Variants in XKR9 observed in about 807,000 individuals in gnomAD.
The protein encoded by XKR9 is XK-related protein 9.
In XKR9, 32 loss-of-function variants were observed where a neutral mutation model predicts 32.0. The observed-to-expected ratio is 1.00, with a 90% CI of 0.76 to 1.34. XKR9 has a LOEUF of 1.34. Ranked by LOEUF, XKR9 falls within the 40% of genes most tolerant of loss-of-function variation. The probability of loss-of-function intolerance (pLI) is 0.00; values close to 1 mark genes in which losing one functional copy is unlikely to be tolerated. For synonymous variants in XKR9, 168 were observed against 143.4 expected (o/e 1.17, Z -1.22); for missense variants, 546 against 429.7 (o/e 1.27, Z -2.39).
chr8:70,879,462 A>G, the XKR9 span, among the ~76,000 whole-genome samples: 1 of 152,220 alleles, frequency 6.6e-6, no homozygotes, highest in East Asian at 1.9e-4. Flanking sequence ...AAAATAAAAA[A>G]TGATAAAAGG....
At chr8:71,027,242 T>G in the XKR9 span, among the ~76,000 whole-genome samples, 1 of 151,702 alleles carries the variant, frequency 6.6e-6, no homozygotes, top group South Asian at 2.1e-4. Context: ...AATTAGTCAT[T>G]ATCATTCTTT....
chr8:71,035,625 G>A, the XKR9 span, among the ~76,000 whole-genome samples: 1 of 152,186 alleles, frequency 6.6e-6, no homozygotes, highest in Admixed American at 6.5e-5. Context: ...ACATTTGACA[G>A]TGGGGTAGAC....
the XKR9 span, among the ~76,000 whole-genome samples, chr8:70,899,054 A>C: frequency 6.6e-6 from 1 of 152,122 alleles, no homozygotes; most frequent in Non-Finnish European, 1.5e-5. Context: ...GCTGGGACTA[A>C]AATTGTGCAC....
At chr8:70,865,977 A>G in the XKR9 span, among the ~76,000 whole-genome samples, 1 of 152,210 alleles carries the variant, frequency 6.6e-6, no homozygotes, top group Non-Finnish European at 1.5e-5. Context: ...CTCAAAATTT[A>G]AGATCCTGCT....
At chr8:70,984,112 G>A in the XKR9 span, among the ~76,000 whole-genome samples, 3 of 152,286 alleles carry the variant, frequency 2.0e-5, no homozygotes, top group East Asian at 5.8e-4. Context: ...CACTATGGGG[G>A]TGTCTTTCCT....
chr8:71,020,890 A>T, the XKR9 span, among the ~76,000 whole-genome samples: 1 of 152,116 alleles, frequency 6.6e-6, no homozygotes, highest in African/African-American at 2.4e-5. Flanking sequence ...TACCTGTCTT[A>T]GTCTGTTTAG....
chr8:70,791,516 A>G (rs1807763816), downstream of XKR9, among the ~76,000 whole-genome samples: 1 of 152,078 alleles, frequency 6.6e-6, no homozygotes, highest in Non-Finnish European at 1.5e-5. Flanking sequence ...TTATGAATGG[A>G]TTAATGTTAT....
the XKR9 span, among the ~76,000 whole-genome samples, chr8:71,052,951 G>A: frequency 6.6e-6 from 1 of 152,144 alleles, no homozygotes; most frequent in African/African-American, 2.4e-5. Flanking sequence ...CCTTGACTGT[G>A]CCTCAGTTTT....
At chr8:70,925,500 T>A in the XKR9 span, among the ~76,000 whole-genome samples, 1 of 152,240 alleles carries the variant, frequency 6.6e-6, no homozygotes, top group African/African-American at 2.4e-5. Flanking sequence ...CTTGGTTTTG[T>A]GACTATTAAT....
At chr8:71,022,045 T>C in the XKR9 span, among the ~76,000 whole-genome samples, 1 of 152,224 alleles carries the variant, frequency 6.6e-6, no homozygotes, top group African/African-American at 2.4e-5. Context: ...TCCATTCTTC[T>C]GCATATGGCT....
chr8:71,026,533 A>G, the XKR9 span, among the ~76,000 whole-genome samples: 1 of 152,214 alleles, frequency 6.6e-6, no homozygotes, highest in South Asian at 2.1e-4. Context: ...CTGGGAGTCC[A>G]GAGTGCAAAG....
At chr8:70,755,771 A>AG (rs1431302312) in intron 2 of XKR9, among the ~76,000 whole-genome samples, 2 of 22,080 alleles carry the variant, frequency 9.1e-5, no homozygotes, top group African/African-American at 3.7e-4. Flanking sequence ...GGGTGGGGGG[A>AG]GGGGGGGAGG....
At chr8:70,821,617 A>G in the XKR9 span, among the ~76,000 whole-genome samples, 1 of 152,218 alleles carries the variant, frequency 6.6e-6, no homozygotes, top group African/African-American at 2.4e-5. Flanking sequence ...ATCTAGGTGG[A>G]GGTTCCCAAA....
the XKR9 span, among the ~76,000 whole-genome samples, chr8:71,060,518 T>C: frequency 2.0e-5 from 3 of 152,204 alleles, no homozygotes; most frequent in Non-Finnish European, 4.4e-5. Context: ...GTACCCCTCC[T>C]TGTGGCTACC....
intron 1 of XKR9, among the ~76,000 whole-genome samples, chr8:70,674,210 C>T (rs547865240): frequency 6.6e-6 from 1 of 152,140 alleles, no homozygotes; most frequent in East Asian, 1.9e-4. Context: ...AAGAGAAGTA[C>T]AGCTGAAGTG....
chr8:70,712,593 C>G (rs268646), intron 4 of XKR9, among the ~76,000 whole-genome samples: 2 of 152,062 alleles, frequency 1.3e-5, no homozygotes, highest in Non-Finnish European at 2.9e-5. Context: ...CTCCTGACTT[C>G]AAAGAGTTTG....
the XKR9 span, among the ~76,000 whole-genome samples, chr8:70,973,782 T>C: frequency 6.6e-6 from 1 of 152,210 alleles, no homozygotes. Context: ...GAAGATTCCC[T>C]TTGGAGTTGA....
At chr8:70,817,645 C>G in the XKR9 span, among the ~76,000 whole-genome samples, 1 of 151,982 alleles carries the variant, frequency 6.6e-6, no homozygotes, top group Non-Finnish European at 1.5e-5. Flanking sequence ...CATATGGGCC[C>G]CCAAAAAGCC....
the XKR9 span, among the ~76,000 whole-genome samples, chr8:71,012,655 A>G: frequency 6.6e-6 from 1 of 152,128 alleles, no homozygotes; most frequent in Non-Finnish European, 1.5e-5. Context: ...GCATTGTACT[A>G]AGTACTTCAT....
Sources: allele counts gnomAD v4.1 joint callset (sites outside exome capture counted in the v4.1 genomes callset), GRCh38; gene constraint gnomAD v4.1.1; transcripts MANE v1.5; gene names NCBI Gene and HGNC (gene_info 2026-07-23, HGNC 2026-07-21).